MYO18B: variants seen among roughly 807,000 people sequenced by gnomAD.
MYO18B encodes myosin XVIIIB, also known as unconventional myosin-XVIIIb.
In MYO18B, 204 loss-of-function variants were observed where a neutral mutation model predicts 273.0. That is an observed-to-expected ratio of 0.75 (90% CI 0.67 to 0.84). MYO18B has a LOEUF of 0.84. MYO18B is among the 40% of genes least tolerant of loss of function. The pLI, the probability that MYO18B is intolerant of heterozygous loss-of-function variation, is 0.00. For missense variants in MYO18B, 3,212 were observed against 3,287.6 expected, an observed-to-expected ratio of 0.98 and a Z score of 0.56; for synonymous variants, 1,330 against 1,305.7, an observed-to-expected ratio of 1.02 and a Z score of -0.40.
intron 25 of MYO18B, among the ~76,000 whole-genome samples, chr22:25,880,881 G>A (rs921907004): frequency 2.6e-5 from 4 of 152,244 alleles, no homozygotes; most frequent in Non-Finnish European, 4.4e-5. Flanking sequence ...ATGATTTGCT[G>A]TAATCTATAT....
At chr22:25,759,279 A>G (rs1346220804) in intron 1 of MYO18B, among the ~76,000 whole-genome samples, 1 of 152,122 alleles carries the variant, frequency 6.6e-6, no homozygotes, top group Non-Finnish European at 1.5e-5. Flanking sequence ...CTTGGAACGA[A>G]CCCCAATGTC....
intron 42 of MYO18B, among the ~76,000 whole-genome samples, chr22:26,018,816 G>A (rs149665117): frequency 7.8e-4 from 119 of 152,224 alleles, no homozygotes; most frequent in East Asian, 3.1e-3. Flanking sequence ...AGCTGGATGT[G>A]GTGGTGGCGA....
intron 34 of MYO18B, among the ~76,000 whole-genome samples, chr22:25,926,986 A>T (rs5761319): frequency 0.5 from 76,365 of 152,094 alleles, 22,113 homozygotes; most frequent in African/African-American, 0.8. Context: ...TGGACACTTA[A>T]CACTTCCCCA....
intron 33 of MYO18B, among the ~76,000 whole-genome samples, chr22:25,920,499 C>T (rs865788895): frequency 2.0e-5 from 3 of 152,170 alleles, no homozygotes; most frequent in Admixed American, 6.5e-5. Context: ...GTCCAGGATG[C>T]GGCTTCTTTG....
At chr22:25,808,887 C>A (rs955703877) in intron 12 of MYO18B, among the ~76,000 whole-genome samples, 1 of 152,080 alleles carries the variant, frequency 6.6e-6, no homozygotes, top group Non-Finnish European at 1.5e-5. Context: ...TTGTTATTAA[C>A]GAAAAATCAG....
intron 6 of MYO18B, 111 bp downstream of exon 6, chr22:25,771,095 A>G (rs2086703707): frequency 6.2e-6 from 5 of 809,146 alleles, no homozygotes; most frequent in South Asian, 1.7e-5. Context: ...CCTGACTACC[A>G]ATACCATTTT....
chr22:25,902,557 A>G lies in MYO18B; in HGVS notation c.4824-56A>G, dbSNP rs562377199. 4.8e-4 allele frequency: 745 copies of G among 1,560,560 alleles called. 1 individual carries two copies. Among genetic ancestry groups the G allele is most frequent in the South Asian group, 3.1e-3 (255 of 82,948 alleles). The stretch of plus-strand genomic sequence containing the variant: ...GCAGCCCCTCCCTGCCCCTGCCTCA[A>G]TCACTCCCCTGCCCACCTGCCTACG... On this transcript the variant is annotated intron_variant, in intron 29 of 43. Transcript: ENST00000335473.
intron 42 of MYO18B, among the ~76,000 whole-genome samples, chr22:26,007,199 TC>T (rs1310664405): frequency 6.6e-6 from 1 of 152,158 alleles, no homozygotes; most frequent in Non-Finnish European, 1.5e-5. Context: ...CATGGCCACA[TC>T]CCCAGGGCTG....
At chr22:25,756,394 G>A (rs1295115678) in intron 1 of MYO18B, 1 of 152,232 alleles carries the variant, frequency 6.6e-6, no homozygotes, top group Non-Finnish European at 1.5e-5. Context: ...TTTGGATCCT[G>A]GGATTTCACT....
chr22:25,868,647 G>A (rs1346818749), intron 22 of MYO18B, among the ~76,000 whole-genome samples: 1 of 152,202 alleles, frequency 6.6e-6, no homozygotes, highest in East Asian at 1.9e-4. Flanking sequence ...GGAGGAATTA[G>A]CATTCTGGTC....
intron 41 of MYO18B, 116 bp downstream of exon 41, chr22:26,003,425 G>A (rs2146912699): frequency 1.2e-6 from 1 of 862,878 alleles, no homozygotes. Flanking sequence ...TGATGCCCAT[G>A]AGACTAATGC....
intron 8 of MYO18B, among the ~76,000 whole-genome samples, chr22:25,779,559 G>T (rs912879360): frequency 2.0e-5 from 3 of 152,212 alleles, no homozygotes; most frequent in Non-Finnish European, 4.4e-5. Flanking sequence ...GCTGTGAATC[G>T]CATGTGTCTG....
chr22:26,014,939 T>G (rs1935192238), intron 42 of MYO18B, among the ~76,000 whole-genome samples: 1 of 152,160 alleles, frequency 6.6e-6, no homozygotes, highest in Non-Finnish European at 1.5e-5. Flanking sequence ...AAGTTCCTTA[T>G]GGATGCTGGA....
chr22:25,904,794 A>C (rs1366475942), intron 31 of MYO18B, among the ~76,000 whole-genome samples: 1 of 152,210 alleles, frequency 6.6e-6, no homozygotes, highest in Admixed American at 6.5e-5. Flanking sequence ...ACAAAAGTAC[A>C]AAATAAAATA....
chr22:25,822,945 C>T (rs1232037562), intron 12 of MYO18B, among the ~76,000 whole-genome samples: 1 of 152,160 alleles, frequency 6.6e-6, no homozygotes, highest in Non-Finnish European at 1.5e-5. Flanking sequence ...ATTATTATTA[C>T]TTTTTTAACT....
At chr22:25,932,340 T>C (rs2092514775) in intron 34 of MYO18B, among the ~76,000 whole-genome samples, 1 of 151,916 alleles carries the variant, frequency 6.6e-6, no homozygotes, top group Admixed American at 6.6e-5. Flanking sequence ...TAAAAATCCT[T>C]CCTTCCTTCT....
chr22:25,822,665 T>G (rs1228223578), intron 12 of MYO18B, among the ~76,000 whole-genome samples: 1 of 152,220 alleles, frequency 6.6e-6, no homozygotes, highest in Non-Finnish European at 1.5e-5. Flanking sequence ...GACACCGGAT[T>G]AAAGAAGGAA....
intron 42 of MYO18B, among the ~76,000 whole-genome samples, chr22:26,016,545 C>G (rs2146967278): frequency 6.6e-6 from 1 of 152,318 alleles, no homozygotes; most frequent in African/African-American, 2.4e-5. Context: ...ATGTGACTGA[C>G]CAGTGAGTGG....
intron 42 of MYO18B, among the ~76,000 whole-genome samples, chr22:26,014,331 G>A (rs185239968): frequency 6.6e-5 from 10 of 152,134 alleles, no homozygotes; most frequent in African/African-American, 1.2e-4. Context: ...ATGTATATAC[G>A]TCTGTCTATT....
Sources: allele counts gnomAD v4.1 joint callset (sites outside exome capture counted in the v4.1 genomes callset), GRCh38; gene constraint gnomAD v4.1.1; transcripts MANE v1.5; gene names NCBI Gene and HGNC (gene_info 2026-07-23, HGNC 2026-07-21).